STAT5B: variants seen among roughly 807,000 people sequenced by gnomAD.
The protein encoded by STAT5B is transcription factor STAT5B.
A neutral mutation model predicts 107.8 loss-of-function variants in STAT5B; 21 were observed. That is an observed-to-expected ratio of 0.19 (90% CI 0.14 to 0.28). STAT5B has a LOEUF of 0.28. Among genes scored for constraint, STAT5B ranks in the 10% least tolerant of loss-of-function variants. The probability of loss-of-function intolerance (pLI) is 1.00; values close to 1 mark genes in which losing one functional copy is unlikely to be tolerated. For missense variants in STAT5B, 565 were observed against 1,008.2 expected (o/e 0.56, Z 5.95); for synonymous variants, 325 against 401.7 (o/e 0.81, Z 2.28).
At chr17:42,210,615 C>G (rs753962351) in intron 13 of STAT5B, 118 bp from the exon 14 acceptor site, 126 of 948,010 alleles carry the variant, frequency 1.3e-4, no homozygotes, top group Middle Eastern at 2.9e-4. Context: ...CAGAGGCATA[C>G]AAATATCCCC....
intron 1 of STAT5B, among the ~76,000 whole-genome samples, chr17:42,261,948 C>T (rs557323714): frequency 4.6e-5 from 7 of 152,136 alleles, no homozygotes; most frequent in African/African-American, 1.7e-4. Flanking sequence ...AATCCTTCCC[C>T]CTCAGCCTCC....
In STAT5B at chr17:42,202,460, G is replaced by C. The variant is rs769715895; in HGVS notation, c.2130-13C>G. The C allele has an allele frequency of 6.2e-7, 1 of 1,613,480 alleles. No individual in the cohort carries two copies. On this transcript the variant is annotated splice_polypyrimidine_tract_variant and intron_variant, in intron 17 of 18. Coordinates refer to ENST00000293328, the MANE Select transcript of STAT5B (RefSeq NM_012448.4). ...TGCGTTCACAAACCTGCAGAAGGAA[G>C]AGAACAGAGCTTCAGCTGCCAGGGA...
chr17:42,267,827 C>G (rs1295112543), intron 1 of STAT5B, among the ~76,000 whole-genome samples: 1 of 151,848 alleles, frequency 6.6e-6, no homozygotes, highest in Non-Finnish European at 1.5e-5. Flanking sequence ...GGCGTGGTGG[C>G]ACACGCCTGT....
At chr17:42,231,300 C>T (rs144619431) in intron 2 of STAT5B, among the ~76,000 whole-genome samples, 1,942 of 152,104 alleles carry the variant, frequency 0.013, 48 homozygotes, top group African/African-American at 0.044. Flanking sequence ...ACCACCATGT[C>T]CAGTGAAACA....
chr17:42,216,243 A>G, intron 11 of STAT5B, 137 bp from the exon 12 acceptor site: 1 of 739,182 alleles, frequency 1.4e-6, no homozygotes, highest in Non-Finnish European at 2.3e-6. Flanking sequence ...CAGAATCTAA[A>G]TGGCCCCAGG....
intron 1 of STAT5B, chr17:42,269,452 C>T (rs1384485738): frequency 6.6e-6 from 1 of 152,150 alleles, no homozygotes; most frequent in Non-Finnish European, 1.5e-5. Flanking sequence ...CTGGAAAACC[C>T]CAGTGAAGGC....
At position 42,218,828 on chromosome 17, in the gene STAT5B, C is replaced by T. The variant is rs748817046; in HGVS notation, c.884G>A (p.Arg295Lys). 8 of 1,613,450 alleles carry T rather than the reference C, an allele frequency of 5.0e-6. No homozygotes were observed. The highest frequency in any genetic ancestry group is 1.7e-4 in the Middle Eastern group (1 of 5,776). Residue 295 changes from arginine (R) to lysine (K), a missense_variant, in exon 8 of 19, where the codon AGG becomes AAG. Around this residue, in one of 11 missense-constraint regions of STAT5B, gnomAD observed 48 missense variants for 106.5 expected, o/e 0.45. Coordinates refer to ENST00000293328, the MANE Select transcript of STAT5B (RefSeq NM_012448.4). The part of the protein sequence containing the change: ...IIWQNRQQIR[R>K]AEHLCQQLPI... ...CAGCTGCTGGCAGAGGTGCTCAGCC[C>T]TGCGGATCTGCTGCCGGTTCTGCCA...
At chr17:42,244,293 G>A (rs922574110) in intron 1 of STAT5B, among the ~76,000 whole-genome samples, 1 of 141,570 alleles carries the variant, frequency 7.1e-6, no homozygotes, top group African/African-American at 2.7e-5. Flanking sequence ...GTCTTGCTAT[G>A]TTGCCCAGGC....
At chr17:42,210,349 C>T (rs750877988) in intron 14 of STAT5B, 48 bp from the exon 15 acceptor site, 3 of 1,614,036 alleles carry the variant, frequency 1.9e-6, no homozygotes, top group African/African-American at 2.7e-5. Context: ...ACTTACGATG[C>T]CAGAGAGAAG....
intron 16 of STAT5B, 95 bp downstream of exon 16, chr17:42,207,463 A>T: frequency 6.7e-7 from 1 of 1,495,154 alleles, no homozygotes; most frequent in South Asian, 1.1e-5. Context: ...GTTTTCACAC[A>T]AGAGAGATAA....
At chr17:42,210,138 T>C (rs1040116401) in intron 15 of STAT5B, 33 bp downstream of exon 15, 10 of 1,614,002 alleles carry the variant, frequency 6.2e-6, no homozygotes, top group Non-Finnish European at 8.5e-6. Context: ...CGAAAGCAGC[T>C]AACTTTGGAC....
chr17:42,232,279 C>T (rs2080323695), intron 1 of STAT5B, 142 bp from the exon 2 acceptor site: 1 of 893,550 alleles, frequency 1.1e-6, no homozygotes, highest in Non-Finnish European at 1.4e-6. Flanking sequence ...GAGACAGTCT[C>T]GCTCTGCCAC....
At chr17:42,285,500 G>A in the STAT5B span, among the ~76,000 whole-genome samples, 1 of 152,156 alleles carries the variant, frequency 6.6e-6, no homozygotes, top group African/African-American at 2.4e-5. Context: ...GGCCAGCCTC[G>A]GACCGCAGCT....
upstream of STAT5B, among the ~76,000 whole-genome samples, chr17:42,280,661 A>T (rs2080791849): frequency 6.6e-6 from 1 of 152,158 alleles, no homozygotes; most frequent in South Asian, 2.1e-4. Context: ...TGGAGAAGGT[A>T]TAGGATGCTC....
At chr17:42,216,149 G>T in intron 11 of STAT5B, 43 bp from the exon 12 acceptor site, 2 of 1,529,072 alleles carry the variant, frequency 1.3e-6, no homozygotes, top group Non-Finnish European at 1.8e-6. Context: ...CGAGCCTCAA[G>T]TTCTTCTCCT....
At position 42,202,411 on chromosome 17, in the gene STAT5B, G is replaced by A. The variant is rs767216293; in HGVS notation, c.2166C>T (p.Ser722=). The A allele has an allele frequency of 1.4e-5, 23 of 1,614,112 alleles. No individual in the cohort carries two copies. The highest frequency in any genetic ancestry group is 3.3e-4 in the Middle Eastern group (2 of 6,084). ...VNASADAGGG[S]ATYMDQAPSP... ...AGGGGGCCTGGTCCATGTACGTGGC[G>A]CTGCCGCCCCCGGCATCTGCAGATG... Residue 722 remains serine (S), a synonymous_variant, in exon 18 of 19, where the codon AGC becomes AGT. Transcript: ENST00000293328.
rs144106094 is a variant in STAT5B at position 42,207,727 on chromosome 17, C to T, written c.1908G>A (p.Gln636=). Residue 636 remains glutamine, a splice_region_variant and synonymous_variant, in exon 16 of 19, where the codon CAG becomes CAA. Transcript: ENST00000293328. ...GCATCAGATTCCAAAACATTCTTTC[C>T]TCTAGATCAATAAACAGAACAATCA... ...GITIAWKFDS[Q]ERMFWNLMPF... 7.4e-6 allele frequency: 12 copies of T among 1,614,064 alleles called. No individual in the cohort carries two copies. In the East Asian group the frequency reaches 2.5e-4, roughly 33 times the overall value.
intron 1 of STAT5B, among the ~76,000 whole-genome samples, chr17:42,269,109 C>T (rs930187284): frequency 6.6e-5 from 10 of 152,220 alleles, no homozygotes; most frequent in Non-Finnish European, 1.3e-4. Context: ...AGTCTCGCTC[C>T]GTCTCCCAGG....
chr17:42,219,918 G>A (rs1052637256), intron 5 of STAT5B, 76 bp from the exon 6 acceptor site: 18 of 1,604,924 alleles, frequency 1.1e-5, no homozygotes, highest in East Asian at 6.7e-5. Flanking sequence ...CCACTCACCC[G>A]TTCTGGAGCG....
Sources: allele counts gnomAD v4.1 joint callset (sites outside exome capture counted in the v4.1 genomes callset), GRCh38; gene constraint gnomAD v4.1.1; regional missense constraint gnomAD v4.1.1; transcripts MANE v1.5; gene names NCBI Gene and HGNC (gene_info 2026-07-23, HGNC 2026-07-21).